The following ERLEC1 variants were observed in gnomAD, a reference collection of about 807,000 sequenced individuals.
The protein encoded by ERLEC1 is endoplasmic reticulum lectin 1, also known as ER lectin.
In ERLEC1, 47 loss-of-function variants were observed where a neutral mutation model predicts 68.0. The ratio of observed to expected loss-of-function variants is 0.69; its 90% CI spans 0.55 to 0.88. ERLEC1 has a LOEUF of 0.88. Ranked by LOEUF, ERLEC1 falls within the 40% of genes least tolerant of loss-of-function variation. The probability of loss-of-function intolerance (pLI) is 0.00; values close to 1 mark genes in which losing one functional copy is unlikely to be tolerated. For missense variants in ERLEC1, 567 were observed against 583.8 expected (o/e 0.97, Z 0.30); for synonymous variants, 225 against 203.2 (o/e 1.11, Z -0.91).
intron 8 of ERLEC1, among the ~76,000 whole-genome samples, 175 bp downstream of exon 8, chr2:53,802,017 C>T (rs1273981117): frequency 1.3e-5 from 2 of 152,076 alleles, no homozygotes; most frequent in African/African-American, 4.8e-5. Context: ...TCTAGTACTA[C>T]TCAAACTATT....
At chr2:53,814,063 G>A (rs557125879) in intron 11 of ERLEC1, among the ~76,000 whole-genome samples, 1 of 152,264 alleles carries the variant, frequency 6.6e-6, no homozygotes, top group South Asian at 2.1e-4. Flanking sequence ...GTGTTAGACT[G>A]GTAAAATGAA....
intron 11 of ERLEC1, among the ~76,000 whole-genome samples, chr2:53,813,667 A>AT (rs1033001659): frequency 6.6e-6 from 1 of 152,130 alleles, no homozygotes; most frequent in Non-Finnish European, 1.5e-5. Flanking sequence ...GTTTTCAATT[A>AT]TTCCTTCTTG....
chr2:53,810,007 C>T (rs1324149883), intron 10 of ERLEC1, among the ~76,000 whole-genome samples: 3 of 152,238 alleles, frequency 2.0e-5, no homozygotes, highest in East Asian at 1.9e-4. Context: ...GCCGAGATCA[C>T]GCCACTGCAT....
chr2:53,800,996 T>A (rs1675973663), intron 6 of ERLEC1, among the ~76,000 whole-genome samples: 1 of 152,176 alleles, frequency 6.6e-6, no homozygotes, highest in Admixed American at 6.6e-5. Flanking sequence ...AACTCTAATA[T>A]AGCCATTTAC....
chr2:53,791,080 G>C (rs766601993), intron 1 of ERLEC1, among the ~76,000 whole-genome samples: 10 of 152,148 alleles, frequency 6.6e-5, no homozygotes, highest in Non-Finnish European at 1.3e-4. Flanking sequence ...ACATTGACAG[G>C]TTCTACCAAC....
At chr2:53,803,638 G>A (rs947271866) in intron 8 of ERLEC1, among the ~76,000 whole-genome samples, 1 of 151,618 alleles carries the variant, frequency 6.6e-6, no homozygotes, top group East Asian at 1.9e-4. Flanking sequence ...TAAAAGTCGT[G>A]CTAGCATATA....
chr2:53,796,925 T>G (rs1471643138), intron 3 of ERLEC1, among the ~76,000 whole-genome samples: 10 of 137,282 alleles, frequency 7.3e-5, no homozygotes, highest in Non-Finnish European at 1.4e-4. Flanking sequence ...AGAGTTTCAC[T>G]CCGTCACCCA....
chr2:53,808,563 A>AAATTCTTTTCAGTGCTGCTGATGCCCAC, intron 9 of ERLEC1, 103 bp downstream of exon 9: 1 of 1,142,128 alleles, frequency 8.8e-7, no homozygotes, highest in African/African-American at 1.6e-5. Flanking sequence ...CTCTAGAGAA[A>AAATTCTTTTCAGTGCTGCTGATGCCCAC]TGACAGGATC....
intron 1 of ERLEC1, among the ~76,000 whole-genome samples, chr2:53,792,459 C>A (rs568173190): frequency 6.6e-6 from 1 of 152,248 alleles, no homozygotes; most frequent in East Asian, 1.9e-4. Flanking sequence ...ATTCTCTGGC[C>A]TCTGCTACTT....
At chr2:53,817,821 A>T in intron 13 of ERLEC1, 77 bp from the exon 14 acceptor site, 1 of 794,998 alleles carries the variant, frequency 1.3e-6, no homozygotes, top group East Asian at 2.5e-5. Flanking sequence ...ATATAACTAC[A>T]TGTATCCATT....
intron 1 of ERLEC1, among the ~76,000 whole-genome samples, chr2:53,789,300 A>G (rs999150193): frequency 1.3e-5 from 2 of 150,438 alleles, no homozygotes; most frequent in African/African-American, 4.9e-5. Flanking sequence ...AGGCCGAGGC[A>G]GGAGAATCGC....
At position 53,794,003 on chromosome 2, in the gene ERLEC1, C is replaced by T. The variant is rs577379334; in HGVS notation, c.163-342C>T. Among the ~76,000 whole-genome samples the T allele has an allele frequency of 7.1e-4, 108 of 152,098 alleles. 1 individual carries two copies. The highest frequency in any genetic ancestry group is 1.1e-3 in the Non-Finnish European group (78 of 67,988). On this transcript the variant is annotated intron_variant, in intron 1 of 13. Coordinates refer to ENST00000185150, the MANE Select transcript of ERLEC1 (RefSeq NM_015701.5). The stretch of plus-strand genomic sequence containing the variant: ...TAAGTGTTGAATACACACTCAAAGA[C>T]GAGAACAATAAACACTGGAGATTCC...
intron 8 of ERLEC1, among the ~76,000 whole-genome samples, chr2:53,802,285 A>G (rs1456959691): frequency 2.0e-5 from 3 of 152,132 alleles, no homozygotes; most frequent in Non-Finnish European, 4.4e-5. Flanking sequence ...TACATTTTTA[A>G]TAATCTCACA....
chr2:53,793,102 G>A (rs766964698), intron 1 of ERLEC1, among the ~76,000 whole-genome samples: 9 of 152,114 alleles, frequency 5.9e-5, no homozygotes, highest in Non-Finnish European at 7.4e-5. Context: ...TAGTACCATA[G>A]TTGCACAGTA....
intron 3 of ERLEC1, 75 bp from the exon 4 acceptor site, chr2:53,797,440 C>G (rs1675773059): frequency 9.3e-7 from 1 of 1,078,396 alleles, no homozygotes; most frequent in African/African-American, 1.6e-5. Context: ...GAAGTCTCAG[C>G]TGCTTCAAAT....
chr2:53,795,798 T>C, intron 2 of ERLEC1, 135 bp from the exon 3 acceptor site: 1 of 597,450 alleles, frequency 1.7e-6, no homozygotes, highest in Non-Finnish European at 2.9e-6. Context: ...CCGTAGGGTC[T>C]TGTTAAACAT....
At chr2:53,802,642 T>A (rs903300707) in intron 8 of ERLEC1, among the ~76,000 whole-genome samples, 1 of 152,196 alleles carries the variant, frequency 6.6e-6, no homozygotes, top group African/African-American at 2.4e-5. Flanking sequence ...CAGGATAGAA[T>A]CATCACTCGT....
At chr2:53,817,385 G>A (rs1676957635) in intron 13 of ERLEC1, among the ~76,000 whole-genome samples, 1 of 151,914 alleles carries the variant, frequency 6.6e-6, no homozygotes, top group Non-Finnish European at 1.5e-5. Context: ...CGCCCGTCTC[G>A]GCCTCCCAGA....
intron 1 of ERLEC1, among the ~76,000 whole-genome samples, chr2:53,790,160 C>G (rs780206132): frequency 2.0e-5 from 3 of 151,968 alleles, no homozygotes; most frequent in Non-Finnish European, 2.9e-5. Context: ...ATGGCGCCAT[C>G]TCAGCTTACT....
Sources: gnomAD v4.1 joint callset for allele counts (sites outside exome capture counted in the v4.1 genomes callset) on GRCh38, gnomAD v4.1.1 for gene constraint, MANE v1.5 for transcripts, NCBI Gene and HGNC (gene_info 2026-07-23, HGNC 2026-07-21) for gene names.